The following HEATR4 variants were observed in gnomAD, a reference collection of about 807,000 sequenced individuals.
The protein encoded by HEATR4 is HEAT repeat containing 4.
Under a neutral mutation model 108.8 loss-of-function variants are expected in HEATR4, and 95 were observed. That is an observed-to-expected ratio of 0.87 (90% confidence interval 0.74 to 1.04). The LOEUF (loss-of-function observed/expected upper bound fraction) is 1.04. HEATR4 is among the 50% of genes least tolerant of loss of function. The probability of loss-of-function intolerance (pLI) is 0.00; values close to 1 mark genes in which losing one functional copy is unlikely to be tolerated. For synonymous variants in HEATR4, 443 were observed against 459.4 expected (o/e 0.96, Z 0.46); for missense variants, 1,152 against 1,253.8 (o/e 0.92, Z 1.23).
chr14:73,595,265 G>C, the HEATR4 span: 3 of 1,614,042 alleles, frequency 1.9e-6, no homozygotes, highest in Non-Finnish European at 1.7e-6. Flanking sequence ...CGTGGACATT[G>C]TGGATATAAG....
chr14:73,514,169 G>A lies in HEATR4; in HGVS notation c.1276C>T (p.Leu426=). 6.2e-7 allele frequency: 1 copy of A among 1,614,192 alleles called. No homozygotes were observed. The highest frequency in any genetic ancestry group is 8.5e-7 in the Non-Finnish European group (1 of 1,180,034). ...ALPTPAKDML[L]QVGEKDVPIK... ...GGCACATCCTTCTCACCCACCTGCA[G>A]CAGCATATCCTTGGCGGGGGTGGGC... Residue 426 remains leucine, a synonymous_variant, in exon 6 of 18, where the codon CTG becomes TTG. Coordinates refer to ENST00000553558, the MANE Select transcript of HEATR4 (RefSeq NM_001220484.1).
At chr14:73,617,819 G>A in the HEATR4 span, among the ~76,000 whole-genome samples, 1 of 152,134 alleles carries the variant, frequency 6.6e-6, no homozygotes, top group Non-Finnish European at 1.5e-5. Flanking sequence ...TGTAAAGAAA[G>A]TCCTTATCTG....
the HEATR4 span, chr14:73,617,027 G>A: frequency 2.3e-6 from 2 of 886,542 alleles, no homozygotes; most frequent in East Asian, 4.8e-5. Flanking sequence ...ATCTGTTTGG[G>A]AGCAGCAGGG....
intron 17 of HEATR4, among the ~76,000 whole-genome samples, chr14:73,490,720 G>A (rs866096267): frequency 6.6e-6 from 1 of 152,246 alleles, no homozygotes; most frequent in Non-Finnish European, 1.5e-5. Flanking sequence ...CTCCGAAAGT[G>A]CTAGGATTAC....
chr14:73,506,454 GA>G lies in HEATR4; in HGVS notation c.1986+12del, dbSNP rs950833459. ...TTAGGCTTTCTGTCCTGGAGGCAAA[GA>G]AAGAGGTTTACCAAGCAGACATTTC... On this transcript the variant is annotated intron_variant, in intron 10 of 17. Coordinates refer to ENST00000553558, the MANE Select transcript of HEATR4 (RefSeq NM_001220484.1). The G allele has an allele frequency of 2.5e-6, 4 of 1,604,864 alleles. No homozygotes were observed. The highest frequency in any genetic ancestry group is 2.7e-5 in the African/African-American group (2 of 74,764).
At chr14:73,583,233 T>C in the HEATR4 span, among the ~76,000 whole-genome samples, 4 of 151,816 alleles carry the variant, frequency 2.6e-5, no homozygotes, top group African/African-American at 9.7e-5. Context: ...TCCCACCTAC[T>C]TGGAGGTTGA....
chr14:73,609,601 A>T, the HEATR4 span, among the ~76,000 whole-genome samples: 1 of 152,152 alleles, frequency 6.6e-6, no homozygotes, highest in South Asian at 2.1e-4. Flanking sequence ...GCACAGGGAC[A>T]TCCTTCAACT....
chr14:73,523,123 A>G lies in HEATR4; in HGVS notation c.30T>C (p.Phe10=). 1 of 1,605,176 alleles carries G rather than the reference A, an allele frequency of 6.2e-7. No homozygotes were observed. Reference sequence around the variant, plus strand: ...GTGACTGATAGAAGCAATGGGGGAGAAAGGTCTTTCCCTTCTGGGTCCTGG... The same window carrying G: ...GTGACTGATAGAAGCAATGGGGGAGGAAGGTCTTTCCCTTCTGGGTCCTGG... The part of the protein sequence containing the change: MTRTQKGKT[F]LPHCFYQSLP... Residue 10 remains phenylalanine, a synonymous_variant, in exon 3 of 18, where the codon TTT becomes TTC. Coordinates refer to ENST00000553558, the MANE Select transcript of HEATR4 (RefSeq NM_001220484.1).
At chr14:73,483,858 AT>A (rs998191820) in intron 17 of HEATR4, among the ~76,000 whole-genome samples, 68 of 146,790 alleles carry the variant, frequency 4.6e-4, no homozygotes, top group East Asian at 9.8e-4. Flanking sequence ...TTAGATGTCA[AT>A]TTTTTTTTTT....
At chr14:73,614,746 CA>C in the HEATR4 span, among the ~76,000 whole-genome samples, 75,471 of 112,976 alleles carry the variant, frequency 0.67, 23,311 homozygotes, top group East Asian at 0.76. Flanking sequence ...GACCCTGTCT[CA>C]AAAAAAAAAA....
At chr14:73,479,935 G>C (rs1173979248) in intron 17 of HEATR4, among the ~76,000 whole-genome samples, 1 of 152,032 alleles carries the variant, frequency 6.6e-6, no homozygotes, top group Non-Finnish European at 1.5e-5. Context: ...GCCTACTCTG[G>C]CTTGAAAAGC....
chr14:73,603,442 C>T, the HEATR4 span, among the ~76,000 whole-genome samples: 7 of 151,922 alleles, frequency 4.6e-5, no homozygotes, highest in Non-Finnish European at 7.4e-5. Flanking sequence ...GTAACCTCTG[C>T]CTTCTGGGTT....
At chr14:73,504,235 G>A (rs1424564458) in intron 10 of HEATR4, among the ~76,000 whole-genome samples, 1 of 149,862 alleles carries the variant, frequency 6.7e-6, no homozygotes, top group African/African-American at 2.5e-5. Flanking sequence ...GTGCCACCAA[G>A]CCTGGCTAAT....
Position 73,502,964 on chromosome 14 carries a change from T to A in HEATR4, c.2036A>T (p.Glu679Val), listed in dbSNP as rs1324490130. 1.9e-6 allele frequency: 3 copies of A among 1,614,120 alleles called. No homozygotes were observed. Among genetic ancestry groups the A allele is most frequent in the Middle Eastern group, 1.6e-4 (1 of 6,062 alleles). ...IQLMWNDWNK[E>V]VRRAAAQALG... ...CGCCTGTGCAGCTGCTCTCCTCACT[T>A]CCTTATTCCAGTCATTCCACATCAG... is the stretch of plus-strand genomic sequence containing the variant. Residue 679 changes from glutamate (E) to valine (V), a missense_variant, in exon 11 of 18, where the codon GAA (glutamate) becomes GTA (valine). Glu to Val is a moderately radical substitution (Grantham distance 121). Transcript: ENST00000553558.
the HEATR4 span, chr14:73,569,813 C>T: frequency 6.2e-7 from 1 of 1,600,938 alleles, no homozygotes; most frequent in African/African-American, 1.3e-5. Flanking sequence ...AGCGCTACTT[C>T]CTCCCGCCCG....
rs1175429234 is a variant in HEATR4 at position 73,538,029 on chromosome 14, G to T, written c.-151-7785C>A. ...CCCCACCACCACCACCCCGGGCTAT[G>T]TTGCCCAGGTAGGTCTTGAACTCCT... On this transcript the variant is annotated intron_variant, in intron 1 of 17. Transcript: ENST00000553558. 1.2e-5 allele frequency: 9 copies of T among 724,186 alleles called. 3 individuals carry two copies. Among genetic ancestry groups the T allele is most frequent in the South Asian group, 1.2e-4 (5 of 43,052 alleles). The allele number at this position is 724,186 out of a possible 1,614,324, so 44.9% of individuals were successfully genotyped here.
the HEATR4 span, chr14:73,612,856 G>T: frequency 7.1e-7 from 1 of 1,410,300 alleles, no homozygotes. Context: ...GGCTGGTGAA[G>T]CGCGACGTGC....
the HEATR4 span, chr14:73,612,678 C>T: frequency 3.9e-4 from 548 of 1,404,634 alleles, 6 homozygotes; most frequent in South Asian, 7.3e-3. Context: ...ACGCTGCGCA[C>T]GTCCCTGCGC....
chr14:73,590,677 A>G, the HEATR4 span, among the ~76,000 whole-genome samples: 2 of 152,068 alleles, frequency 1.3e-5, no homozygotes, highest in Non-Finnish European at 2.9e-5. Flanking sequence ...CTGCTGCCCC[A>G]GGTGCTAAGC....
Sources: gnomAD v4.1 joint callset for allele counts (sites outside exome capture counted in the v4.1 genomes callset) on GRCh38, gnomAD v4.1.1 for gene constraint, MANE v1.5 for transcripts, NCBI Gene and HGNC (gene_info 2026-07-23, HGNC 2026-07-21) for gene names.